The following SGK1 variants were observed in gnomAD, a reference collection of about 807,000 sequenced individuals.
SGK1 encodes serum/glucocorticoid regulated kinase 1.
Under a neutral mutation model 64.2 loss-of-function variants are expected in SGK1, and 26 were observed. The observed-to-expected ratio is 0.40, with a 90% CI of 0.30 to 0.56. The LOEUF is 0.56. Ranked by LOEUF, SGK1 falls within the 20% of genes least tolerant of loss-of-function variation. SGK1 has a pLI of 0.38. For synonymous variants in SGK1, 265 were observed against 239.7 expected, an observed-to-expected ratio of 1.11 and a Z score of -0.98; for missense variants, 519 against 645.6, an observed-to-expected ratio of 0.80 and a Z score of 2.12.
Position 134,272,611 on chromosome 6 carries a change from C to T in SGK1, c.70-10463G>A, listed in dbSNP as rs552344782. 1.4e-5 allele frequency among the ~76,000 whole-genome samples: 2 copies of T among 147,630 alleles called. 1 individual carries two copies. Among genetic ancestry groups the T allele is most frequent in the East Asian group, 4.9e-4 (2 of 4,078 alleles). ...TACACCCACAAACTCTTCCTTTTTC[C>T]CGCAGCCACCTTTCACCACCACCCA... On this transcript the variant is annotated intron_variant, in intron 1 of 13. Coordinates refer to ENST00000367858, the MANE Select transcript of SGK1 (RefSeq NM_001143676.3).
At chr6:134,179,758 C>T (rs1192771297) in intron 3 of SGK1, among the ~76,000 whole-genome samples, 1 of 152,000 alleles carries the variant, frequency 6.6e-6, no homozygotes, top group Non-Finnish European at 1.5e-5. Context: ...TTTCATTTAT[C>T]GCAGGGTTTA....
At chr6:134,254,270 G>A (rs1290260786) in intron 2 of SGK1, among the ~76,000 whole-genome samples, 1 of 152,150 alleles carries the variant, frequency 6.6e-6, no homozygotes, top group Non-Finnish European at 1.5e-5. Context: ...CAACTGCAAG[G>A]AGCTTAGAGA....
At chr6:134,212,209 A>G (rs930851167) in intron 2 of SGK1, among the ~76,000 whole-genome samples, 2 of 151,616 alleles carry the variant, frequency 1.3e-5, no homozygotes, top group African/African-American at 2.4e-5. Flanking sequence ...GCCTGCCACC[A>G]CGCCCGGCTA....
chr6:134,317,544 TG>T lies in SGK1; in HGVS notation c.-85del. ...ATATCTGTTTCCCCGGTTTACCTCC[TG>T]CAGACAGTTAATGAAGACTGAGCGG... On this transcript the variant is annotated 5_prime_UTR_variant, in exon 1 of 14. Transcript: ENST00000367858. The T allele has an allele frequency of 1.2e-6, 1 of 841,044 alleles. No homozygotes were observed. The allele number at this position is 841,044 out of a possible 1,614,324, so 52.1% of individuals were successfully genotyped here.
intron 2 of SGK1, among the ~76,000 whole-genome samples, chr6:134,233,950 A>G (rs1345829504): frequency 6.6e-6 from 1 of 152,232 alleles, no homozygotes; most frequent in Non-Finnish European, 1.5e-5. Context: ...AATTTCTAGA[A>G]ATTCATCTTT....
intron 1 of SGK1, chr6:134,297,186 G>C (rs1015069421): frequency 9.4e-6 from 7 of 746,022 alleles, no homozygotes; most frequent in Non-Finnish European, 1.4e-5. Context: ...GGTGGTCTTC[G>C]TATGGATACT....
intron 13 of SGK1, 189 bp downstream of exon 13, chr6:134,170,637 G>C (rs1202501585): frequency 1.5e-6 from 1 of 674,672 alleles, no homozygotes; most frequent in African/African-American, 1.8e-5. Context: ...GCTTCGAATT[G>C]ATAAATGTGT....
chr6:134,186,599 A>T (rs754795392), intron 3 of SGK1, among the ~76,000 whole-genome samples: 2 of 152,142 alleles, frequency 1.3e-5, no homozygotes, highest in Non-Finnish European at 2.9e-5. Context: ...TTTACCACCC[A>T]TTCTATATTT....
At chr6:134,223,777 A>G (rs1219217646) in intron 2 of SGK1, among the ~76,000 whole-genome samples, 1 of 152,262 alleles carries the variant, frequency 6.6e-6, no homozygotes, top group Non-Finnish European at 1.5e-5. Flanking sequence ...AATTGTTAAC[A>G]AACGCATGGT....
chr6:134,298,004 C>T (rs1248247229), intron 1 of SGK1: 16 of 848,448 alleles, frequency 1.9e-5, no homozygotes, highest in Non-Finnish European at 2.5e-5. Flanking sequence ...CAGACGTATC[C>T]GAGATCTGGG....
chr6:134,257,881 A>G (rs551076315), intron 2 of SGK1, among the ~76,000 whole-genome samples: 11 of 152,346 alleles, frequency 7.2e-5, no homozygotes, highest in African/African-American at 2.4e-4. Flanking sequence ...CAATTTTTAT[A>G]GGAGAGAACA....
At chr6:134,198,976 C>G (rs980931063) in intron 3 of SGK1, among the ~76,000 whole-genome samples, 1 of 152,164 alleles carries the variant, frequency 6.6e-6, no homozygotes. Flanking sequence ...GCCTCCAACT[C>G]TTGGGCTCAA....
intron 1 of SGK1, chr6:134,298,442 C>T: frequency 1.1e-6 from 1 of 900,378 alleles, no homozygotes; most frequent in East Asian, 2.4e-5. Flanking sequence ...GTGCGCAGGC[C>T]TGGATGTTGG....
chr6:134,241,008 T>G (rs1776436145), intron 2 of SGK1, among the ~76,000 whole-genome samples: 1 of 151,860 alleles, frequency 6.6e-6, no homozygotes, highest in African/African-American at 2.4e-5. Flanking sequence ...AAATCTCAAT[T>G]AAGGCAGCAC....
intron 2 of SGK1, among the ~76,000 whole-genome samples, chr6:134,219,903 C>CA (rs370181844): frequency 0.023 from 3,099 of 136,662 alleles, 114 homozygotes; most frequent in African/African-American, 0.08. Context: ...ACTAAAAATA[C>CA]AAAAAATTAG....
intron 3 of SGK1, among the ~76,000 whole-genome samples, chr6:134,186,590 T>A (rs1775426955): frequency 6.6e-6 from 1 of 152,188 alleles, no homozygotes; most frequent in African/African-American, 2.4e-5. Flanking sequence ...CTACCTTCCT[T>A]TACCACCCAT....
At chr6:134,264,330 A>G (rs753328716) in intron 1 of SGK1, among the ~76,000 whole-genome samples, 3 of 152,036 alleles carry the variant, frequency 2.0e-5, no homozygotes, top group Non-Finnish European at 4.4e-5. Flanking sequence ...CGTGTTAGCC[A>G]GGATGGTCTC....
rs142539268 is a variant in SGK1, at chr6:134,254,961, C to T, written c.285+6972G>A. Among the ~76,000 whole-genome samples the T allele has an allele frequency of 7.2e-3, 1,100 of 152,156 alleles. 7 individuals carry two copies. The highest frequency in any genetic ancestry group is 0.024 in the African/African-American group (1,011 of 41,524). ...TCGGCTCACTGCAACCTCCGCCTCC[C>T]GGGTTCAAGCAATTCTCCAGCCTCA... On this transcript the variant is annotated intron_variant, in intron 2 of 13. Transcript: ENST00000367858.
At chr6:134,299,605 G>C (rs1430243903) in intron 1 of SGK1, among the ~76,000 whole-genome samples, 1 of 152,032 alleles carries the variant, frequency 6.6e-6, no homozygotes, top group Non-Finnish European at 1.5e-5. Flanking sequence ...TATGCAGAGT[G>C]GTTGGCTGAC....
Sources: gnomAD v4.1 joint callset for allele counts (sites outside exome capture counted in the v4.1 genomes callset) on GRCh38, gnomAD v4.1.1 for gene constraint, MANE v1.5 for transcripts, NCBI Gene and HGNC (gene_info 2026-07-23, HGNC 2026-07-21) for gene names.